The following ZNF385B variants were observed in gnomAD, a reference collection of about 807,000 sequenced individuals.
ZNF385B encodes zinc finger protein 385B.
In ZNF385B, 23 loss-of-function variants were observed where a neutral mutation model predicts 39.2. The observed-to-expected ratio is 0.59, with a 90% confidence interval of 0.42 to 0.83. The LOEUF (loss-of-function observed/expected upper bound fraction) is 0.83, where lower values mean the gene tolerates loss of function less well. Ranked by LOEUF, ZNF385B falls within the 40% of genes least tolerant of loss-of-function variation. The pLI, the probability that ZNF385B is intolerant of heterozygous loss-of-function variation, is 0.00. For synonymous variants in ZNF385B, 205 were observed against 222.6 expected, an observed-to-expected ratio of 0.92 and a Z score of 0.70; for missense variants, 552 against 598.9, an observed-to-expected ratio of 0.92 and a Z score of 0.82.
In ZNF385B at chr2:179,774,614, C is replaced by T. The variant is rs186552051; in HGVS notation, c.-154-3942G>A. On this transcript the variant is annotated intron_variant, in intron 1 of 9. Coordinates refer to ENST00000410066, the MANE Select transcript of ZNF385B (RefSeq NM_152520.6). ...CCTTGTGATCCACCTGCCTCAGCCT[C>T]CCAAAGTGCTGGGATTACAAGTGTG... Among the ~76,000 whole-genome samples, 843 of 152,240 alleles carry T rather than the reference C, an allele frequency of 5.5e-3. 3 individuals carry two copies. The highest frequency in any genetic ancestry group is 8.4e-3 in the African/African-American group (351 of 41,560).
intron 5 of ZNF385B, among the ~76,000 whole-genome samples, chr2:179,493,031 A>G (rs1034862678): frequency 1.3e-5 from 2 of 152,122 alleles, no homozygotes; most frequent in Non-Finnish European, 2.9e-5. Flanking sequence ...ATTCACCGAT[A>G]AAATCTAAAA....
chr2:179,579,535 T>C (rs1035163379), intron 3 of ZNF385B, among the ~76,000 whole-genome samples: 1 of 152,106 alleles, frequency 6.6e-6, no homozygotes, highest in Non-Finnish European at 1.5e-5. Context: ...CATGAATATA[T>C]ACATGAATAA....
At chr2:179,718,777 A>G (rs74629823) in intron 3 of ZNF385B, among the ~76,000 whole-genome samples, 105 of 150,780 alleles carry the variant, frequency 7.0e-4, no homozygotes, top group African/African-American at 2.4e-3. Context: ...CCTAGAGAAG[A>G]GGCTAGGAGT....
chr2:179,455,439 T>A (rs116198268), intron 6 of ZNF385B, among the ~76,000 whole-genome samples: 7,242 of 152,160 alleles, frequency 0.048, 199 homozygotes, highest in Middle Eastern at 0.12. Flanking sequence ...TCTGATGGTT[T>A]CATAAGAGTT....
intron 3 of ZNF385B, among the ~76,000 whole-genome samples, chr2:179,585,654 G>A (rs1382315785): frequency 6.6e-6 from 1 of 152,186 alleles, no homozygotes; most frequent in African/African-American, 2.4e-5. Context: ...TAATCTAACA[G>A]TCTTGGAATA....
chr2:179,546,125 C>T (rs888163849), intron 3 of ZNF385B, among the ~76,000 whole-genome samples: 2 of 152,080 alleles, frequency 1.3e-5, no homozygotes, highest in African/African-American at 4.8e-5. Context: ...GCCCCGACCT[C>T]CCTGGGCTCT....
intron 7 of ZNF385B, 93 bp downstream of exon 7, chr2:179,446,432 C>A: frequency 6.7e-7 from 1 of 1,491,218 alleles, no homozygotes; most frequent in Non-Finnish European, 9.0e-7. Context: ...ATGGAACAAA[C>A]CTAAGGTCTG....
At chr2:179,716,182 G>A (rs1326603607) in intron 3 of ZNF385B, among the ~76,000 whole-genome samples, 1 of 152,122 alleles carries the variant, frequency 6.6e-6, no homozygotes, top group African/African-American at 2.4e-5. Flanking sequence ...CTAAAGAACT[G>A]AGCCAGTCAA....
intron 5 of ZNF385B, among the ~76,000 whole-genome samples, chr2:179,501,221 A>G (rs909552909): frequency 6.6e-6 from 1 of 152,230 alleles, no homozygotes; most frequent in Non-Finnish European, 1.5e-5. Flanking sequence ...CACATGATCC[A>G]GCAATCCCAT....
intron 3 of ZNF385B, among the ~76,000 whole-genome samples, chr2:179,651,139 T>A (rs1275610665): frequency 9.1e-6 from 1 of 109,590 alleles, no homozygotes; most frequent in African/African-American, 5.7e-5. Context: ...TCTCCCAAGA[T>A]TTTTTTTTTT....
intron 1 of ZNF385B, among the ~76,000 whole-genome samples, chr2:179,824,310 C>T (rs1707563508): frequency 6.6e-6 from 1 of 152,086 alleles, no homozygotes; most frequent in African/African-American, 2.4e-5. Context: ...GTCTATGTTA[C>T]CCAAATTGCT....
rs529989189 is a variant in ZNF385B, at chr2:179,558,386, A to G, written c.299-13417T>C. Among the ~76,000 whole-genome samples the G allele has an allele frequency of 5.9e-5, 9 of 152,306 alleles. No individual in the cohort carries two copies. The South Asian group carries it at 1.5e-3, about 25-fold the overall frequency. Reference sequence around the variant, plus strand: ...TGGTATTTAAGAAACAAAAGGAGGGAAAAGAAAAGAATAGTGGTTTATACA... The same window carrying G: ...TGGTATTTAAGAAACAAAAGGAGGGGAAAGAAAAGAATAGTGGTTTATACA... On this transcript the variant is annotated intron_variant, in intron 3 of 9. Coordinates refer to ENST00000410066, the MANE Select transcript of ZNF385B (RefSeq NM_152520.6).
At chr2:179,634,925 T>G (rs901295445) in intron 3 of ZNF385B, among the ~76,000 whole-genome samples, 12 of 146,896 alleles carry the variant, frequency 8.2e-5, no homozygotes, top group Non-Finnish European at 1.6e-4. Flanking sequence ...GTCAGGAGAT[T>G]CAGACCTTCC....
chr2:179,468,383 GC>G (rs1334811892), intron 6 of ZNF385B, among the ~76,000 whole-genome samples: 1 of 152,158 alleles, frequency 6.6e-6, no homozygotes, highest in Non-Finnish European at 1.5e-5. Flanking sequence ...TTGAAAAACT[GC>G]CCCTTTTCCA....
chr2:179,825,865 G>C (rs557492257), intron 1 of ZNF385B, among the ~76,000 whole-genome samples: 80 of 151,920 alleles, frequency 5.3e-4, no homozygotes, highest in African/African-American at 1.9e-3. Flanking sequence ...CACCATCTGC[G>C]AACCCCAACT....
At chr2:179,725,351 C>A (rs1700934996) in intron 3 of ZNF385B, among the ~76,000 whole-genome samples, 1 of 151,900 alleles carries the variant, frequency 6.6e-6, no homozygotes, top group Non-Finnish European at 1.5e-5. Flanking sequence ...TTCTCTATGA[C>A]ATACTTTGTA....
chr2:179,775,370 T>C (rs573259882), intron 1 of ZNF385B, among the ~76,000 whole-genome samples: 1 of 152,356 alleles, frequency 6.6e-6, no homozygotes, highest in African/African-American at 2.4e-5. Context: ...GCAATCCTTC[T>C]GCTACTCATT....
intron 3 of ZNF385B, among the ~76,000 whole-genome samples, chr2:179,688,490 A>AAACAAC (rs75401653): frequency 0.35 from 52,672 of 149,484 alleles, 9,459 homozygotes; most frequent in Middle Eastern, 0.45. Context: ...TCCCCCTGCA[A>AAACAAC]AACAACAACA....
In ZNF385B at chr2:179,835,563, T is replaced by C. The variant is rs540272010; in HGVS notation, c.-155+25538A>G. 4.6e-5 allele frequency among the ~76,000 whole-genome samples: 7 copies of C among 152,262 alleles called. No homozygotes were observed. The South Asian group carries it at 1.5e-3, about 32-fold the overall frequency. ...CTAAGGAATACGACGCTTGCTAACA[T>C]TCCTCACTATGGCCATACCAACCAC... is the stretch of plus-strand genomic sequence containing the variant. On this transcript the variant is annotated intron_variant, in intron 1 of 9. Coordinates refer to ENST00000410066, the MANE Select transcript of ZNF385B (RefSeq NM_152520.6).
Sources: allele counts gnomAD v4.1 joint callset (sites outside exome capture counted in the v4.1 genomes callset), GRCh38; gene constraint gnomAD v4.1.1; transcripts MANE v1.5; gene names NCBI Gene and HGNC (gene_info 2026-07-23, HGNC 2026-07-21).